ALDH1A3: variants seen among roughly 807,000 people sequenced by gnomAD.
ALDH1A3 encodes aldehyde dehydrogenase 1 family member A3.
In ALDH1A3, 28 loss-of-function variants were observed where a neutral mutation model predicts 57.5. That is an observed-to-expected ratio of 0.49 (90% CI 0.36 to 0.67). ALDH1A3 has a LOEUF of 0.67. Among genes scored for constraint, ALDH1A3 ranks in the 30% least tolerant of loss-of-function variants. The pLI is 0.00. For missense variants in ALDH1A3, 507 were observed against 669.4 expected, an observed-to-expected ratio of 0.76 and a Z score of 2.68; for synonymous variants, 281 against 264.8, an observed-to-expected ratio of 1.06 and a Z score of -0.59.
At chr15:100,883,446 G>C (rs1242699257) in intron 1 of ALDH1A3, among the ~76,000 whole-genome samples, 1 of 152,140 alleles carries the variant, frequency 6.6e-6, no homozygotes, top group African/African-American at 2.4e-5. Context: ...TTCCCTGGGG[G>C]CCTGGCCTCA....
rs71151987 is a variant in ALDH1A3 at position 100,907,844 on chromosome 15, C to CTTTTTTTTTTTTTTTTTTTTTTTTTTT, written c.1392-542_1392-541insTTTTTTTTTTTTTTTTTTTTTTTTTTT. Reference sequence around the variant, plus strand: ...GATTTTTCTTTTTCTTTCTTTCTTTCTTTTTTTTTTTTTTTTTTTTTTGAG... The same window carrying CTTTTTTTTTTTTTTTTTTTTTTTTTTT: ...GATTTTTCTTTTTCTTTCTTTCTTTCTTTTTTTTTTTTTTTTTTTTTTTTTTTTTTTTTTTTTTTTTTTTTTTTTGAG... On this transcript the variant is annotated intron_variant, in intron 11 of 12. Transcript: ENST00000329841. Among the ~76,000 whole-genome samples the CTTTTTTTTTTTTTTTTTTTTTTTTTTT allele has an allele frequency of 8.5e-5, 7 of 81,930 alleles. 1 individual carries two copies. Among genetic ancestry groups the CTTTTTTTTTTTTTTTTTTTTTTTTTTT allele is most frequent in the East Asian group, 8.6e-4 (2 of 2,318 alleles). 53.7% of individuals were successfully genotyped at this position (81,930 alleles called of 152,430 possible).
At position 100,879,880 on chromosome 15, in the gene ALDH1A3, G is replaced by C; in HGVS notation, c.-28G>C. The C allele has an allele frequency of 7.4e-7, 1 of 1,359,630 alleles. No individual in the cohort carries two copies. Among genetic ancestry groups the C allele is most frequent in the Non-Finnish European group, 9.5e-7 (1 of 1,050,126 alleles). The allele number at this position is 1,359,630 out of a possible 1,614,324, so 84.2% of individuals were successfully genotyped here. ...GAGCCGGTGCGCCGCAGACTAGGGC[G>C]CCTCGGGCCAGGGAGCGCGGAGGAG... is the stretch of plus-strand genomic sequence containing the variant. On this transcript the variant is annotated 5_prime_UTR_variant, in exon 1 of 13. Coordinates refer to ENST00000329841, the MANE Select transcript of ALDH1A3 (RefSeq NM_000693.4).
intron 8 of ALDH1A3, among the ~76,000 whole-genome samples, chr15:100,899,139 G>A (rs2041741380): frequency 6.6e-6 from 1 of 152,198 alleles, no homozygotes; most frequent in Non-Finnish European, 1.5e-5. Context: ...AGAAAGGACA[G>A]GAGGAGGATA....
intron 4 of ALDH1A3, 65 bp downstream of exon 4, chr15:100,892,704 G>GA (rs2041662321): frequency 6.5e-7 from 1 of 1,544,888 alleles, no homozygotes; most frequent in South Asian, 1.3e-5. Context: ...CATTAATCCA[G>GA]AGCCCCCCCT....
chr15:100,888,315 GA>G (rs2041617076), intron 3 of ALDH1A3, among the ~76,000 whole-genome samples: 1 of 152,028 alleles, frequency 6.6e-6, no homozygotes, highest in East Asian at 1.9e-4. Context: ...GCCAGGTCTT[GA>G]ACTCCTGGTC....
chr15:100,903,219 T>A (rs930506564), intron 9 of ALDH1A3, among the ~76,000 whole-genome samples: 1 of 143,164 alleles, frequency 7.0e-6, no homozygotes, highest in Non-Finnish European at 1.5e-5. Flanking sequence ...TAGTTCCTCA[T>A]GTTTCCCTCT....
At chr15:100,895,730 A>T in intron 6 of ALDH1A3, 1 of 590,584 alleles carries the variant, frequency 1.7e-6, no homozygotes, top group South Asian at 2.0e-5. Context: ...CCCAGCCTGC[A>T]CACTGGGCTG....
intron 8 of ALDH1A3, among the ~76,000 whole-genome samples, 153 bp downstream of exon 8, chr15:100,898,338 C>T (rs2041731338): frequency 6.6e-6 from 1 of 152,232 alleles, no homozygotes; most frequent in African/African-American, 2.4e-5. Flanking sequence ...CACAGTCAGC[C>T]AGCCGCAGAC....
chr15:100,879,913 C>T lies in ALDH1A3; in HGVS notation c.6C>T (p.Ala2=). The T allele has an allele frequency of 6.9e-7, 1 of 1,449,908 alleles. No homozygotes were observed. The highest frequency in any genetic ancestry group is 1.3e-5 in the South Asian group (1 of 74,404). 89.8% of individuals were successfully genotyped at this position (1,449,908 alleles called of 1,614,324 possible). ...CCAGGGAGCGCGGAGGAGCCATGGC[C>T]ACCGCTAACGGGGCCGTGGAAAACG... M[A]TANGAVENGQ... Residue 2 remains alanine (A), a synonymous_variant, in exon 1 of 13, where the codon GCC becomes GCT. Transcript: ENST00000329841.
chr15:100,908,194 A>C (rs1596134190), intron 11 of ALDH1A3, among the ~76,000 whole-genome samples: 1 of 152,208 alleles, frequency 6.6e-6, no homozygotes, highest in Non-Finnish European at 1.5e-5. Context: ...TATCCCAATG[A>C]AACACACTCT....
chr15:100,882,949 T>C (rs1567166824), intron 1 of ALDH1A3, among the ~76,000 whole-genome samples: 1 of 152,200 alleles, frequency 6.6e-6, no homozygotes, highest in Non-Finnish European at 1.5e-5. Flanking sequence ...TTTACAAAAT[T>C]AAAAACATAG....
chr15:100,909,914 C>T (rs2041866922), intron 12 of ALDH1A3, among the ~76,000 whole-genome samples: 1 of 152,266 alleles, frequency 6.6e-6, no homozygotes, highest in Admixed American at 6.5e-5. Flanking sequence ...TTTTATTTCA[C>T]TAGTCTGTCC....
chr15:100,902,104 G>A (rs2041775106), intron 9 of ALDH1A3, among the ~76,000 whole-genome samples: 1 of 152,140 alleles, frequency 6.6e-6, no homozygotes, highest in Admixed American at 6.5e-5. Flanking sequence ...ACAATCAGTG[G>A]GAAATATGTG....
rs1372387142 is a variant in ALDH1A3 at position 100,880,030 on chromosome 15, C to G, written c.99+24C>G. On this transcript the variant is annotated intron_variant, in intron 1 of 12. Coordinates refer to ENST00000329841, the MANE Select transcript of ALDH1A3 (RefSeq NM_000693.4). Reference sequence around the variant, plus strand: ...AGGTGAGGCGGGCGCCCCTCCCACCCGACGGCCGCGGGCCCCTGCGCTGGG... The same window carrying G: ...AGGTGAGGCGGGCGCCCCTCCCACCGGACGGCCGCGGGCCCCTGCGCTGGG... 6.3e-6 allele frequency: 9 copies of G among 1,434,704 alleles called. No homozygotes were observed. The Admixed American group carries it at 2.0e-4, about 32-fold the overall frequency. The allele number at this position is 1,434,704 out of a possible 1,614,324, so 88.9% of individuals were successfully genotyped here.
intron 12 of ALDH1A3, among the ~76,000 whole-genome samples, chr15:100,911,888 C>G (rs1567175320): frequency 6.6e-6 from 1 of 152,176 alleles, no homozygotes; most frequent in Non-Finnish European, 1.5e-5. Context: ...GTTTGCGTTT[C>G]TTTTCTTTAC....
In ALDH1A3 at chr15:100,905,521, A is replaced by G; in HGVS notation, c.1069-2A>G. ...GCTGTACTTCTTGTTTGTGTCTTGC[A>G]GATTGATCAAAAGCAGTTCGACAAA... On this transcript the variant is annotated splice_acceptor_variant, in intron 9 of 12. Transcript: ENST00000329841. LOFTEE classifies it high-confidence loss of function. 6.2e-7 allele frequency: 1 copy of G among 1,614,194 alleles called. No homozygotes were observed. Among genetic ancestry groups the G allele is most frequent in the Non-Finnish European group, 8.5e-7 (1 of 1,180,028 alleles).
chr15:100,882,594 G>C (rs1366704468), intron 1 of ALDH1A3, among the ~76,000 whole-genome samples: 1 of 152,226 alleles, frequency 6.6e-6, no homozygotes, highest in African/African-American at 2.4e-5. Flanking sequence ...TTGTATGACT[G>C]TCATCTTCAC....
At position 100,879,902 on chromosome 15, in the gene ALDH1A3, G is replaced by A; in HGVS notation, c.-6G>A. On this transcript the variant is annotated 5_prime_UTR_variant, in exon 1 of 13. Transcript: ENST00000329841. ...GGCGCCTCGGGCCAGGGAGCGCGGA[G>A]GAGCCATGGCCACCGCTAACGGGGC... is the stretch of plus-strand genomic sequence containing the variant. 7.0e-7 allele frequency: 1 copy of A among 1,425,738 alleles called. No homozygotes were observed. The highest frequency in any genetic ancestry group is 9.2e-7 in the Non-Finnish European group (1 of 1,085,514). The allele number at this position is 1,425,738 out of a possible 1,614,324, so 88.3% of individuals were successfully genotyped here.
At chr15:100,907,344 A>G (rs2041832509) in intron 11 of ALDH1A3, 66 bp downstream of exon 11, 1 of 1,528,596 alleles carries the variant, frequency 6.5e-7, no homozygotes, top group Non-Finnish European at 8.9e-7. Flanking sequence ...TTATTCTTCT[A>G]TTAACTGAGA....
Sources: gnomAD v4.1 joint callset for allele counts (sites outside exome capture counted in the v4.1 genomes callset) on GRCh38, gnomAD v4.1.1 for gene constraint, MANE v1.5 for transcripts, NCBI Gene and HGNC (gene_info 2026-07-23, HGNC 2026-07-21) for gene names.